GLI3: variants seen among roughly 807,000 people sequenced by gnomAD.
The protein encoded by GLI3 is transcription activator GLI3.
GLI3 carries 20 observed loss-of-function variants against 100.8 expected under a neutral mutation model. The observed-to-expected ratio is 0.20, with a 90% confidence interval of 0.14 to 0.29. The LOEUF (loss-of-function observed/expected upper bound fraction) is 0.29, where lower values mean the gene tolerates loss of function less well. Among genes scored for constraint, GLI3 ranks in the 10% least tolerant of loss-of-function variants. The pLI, the probability that GLI3 is intolerant of heterozygous loss-of-function variation, is 1.00. For synonymous variants in GLI3, 938 were observed against 860.5 expected, an observed-to-expected ratio of 1.09 and a Z score of -1.58; for missense variants, 2,040 against 2,128.5, an observed-to-expected ratio of 0.96 and a Z score of 0.82.
intron 10 of GLI3, among the ~76,000 whole-genome samples, chr7:42,012,290 G>A (rs1345006920): frequency 2.6e-5 from 4 of 152,070 alleles, no homozygotes; most frequent in Admixed American, 6.5e-5. Flanking sequence ...GACAAGCCTC[G>A]TTATTAATCT....
chr7:41,968,299 A>C (rs1251354489), intron 13 of GLI3, among the ~76,000 whole-genome samples: 1 of 152,188 alleles, frequency 6.6e-6, no homozygotes, highest in East Asian at 1.9e-4. Flanking sequence ...TTATCTATAA[A>C]ACAGGGACCA....
Position 41,966,768 on chromosome 7 carries a change from T to C in GLI3, c.2432-127A>G, listed in dbSNP as rs1283607273. 5 of 914,536 alleles carry C rather than the reference T, an allele frequency of 5.5e-6. No homozygotes were observed. Among genetic ancestry groups the C allele is most frequent in the Non-Finnish European group, 8.7e-6 (5 of 574,350 alleles). 56.7% of individuals were successfully genotyped at this position (914,536 alleles called of 1,614,324 possible). On this transcript the variant is annotated intron_variant, in intron 14 of 14. Transcript: ENST00000395925. The surrounding 1 kb of genome is among the most constrained non-coding windows in gnomAD (Gnocchi z 5.8). The stretch of plus-strand genomic sequence containing the variant: ...ACTATTTCTGGTGTCCCAGGCCACA[T>C]TGCCTGCCTCACAACTACTCAGCTC...
intron 2 of GLI3, among the ~76,000 whole-genome samples, chr7:42,167,129 GT>G (rs1787262051): frequency 6.6e-6 from 1 of 152,004 alleles, no homozygotes; most frequent in Non-Finnish European, 1.5e-5. Flanking sequence ...GCCTGGCCTG[GT>G]TCTGATTCTT....
intron 2 of GLI3, among the ~76,000 whole-genome samples, chr7:42,165,984 C>T (rs191561625): frequency 3.3e-5 from 5 of 152,284 alleles, no homozygotes; most frequent in South Asian, 2.1e-4. Flanking sequence ...TTAAAAGTTA[C>T]GGTGTTCCGT....
intron 4 of GLI3, among the ~76,000 whole-genome samples, chr7:42,065,529 A>T (rs1488374822): frequency 6.6e-6 from 1 of 152,196 alleles, no homozygotes; most frequent in Non-Finnish European, 1.5e-5. Flanking sequence ...TCATAAGTTT[A>T]TCAGCTGTTC....
At position 42,040,142 on chromosome 7, in the gene GLI3, G is replaced by T. The variant is rs760490477; in HGVS notation, c.924C>A (p.Thr308=). ...PLSDHSFDLQ[T]MIRTSPNSLV... is the part of the protein sequence containing the mutation. Reference sequence around the variant, plus strand: ...AGGAGTTGGGAGACGTCCTTATCATGGTCTGAAGGTCAAAGCTATGATCGG... The same window carrying T: ...AGGAGTTGGGAGACGTCCTTATCATTGTCTGAAGGTCAAAGCTATGATCGG... The change falls in exon 7 of 15, where the codon ACC becomes ACA. Residue 308 remains threonine (T), a synonymous_variant. Transcript: ENST00000395925. The T allele has an allele frequency of 1.9e-6, 3 of 1,613,574 alleles. No individual in the cohort carries two copies. In the Admixed American group the frequency reaches 5.0e-5, roughly 27 times the overall value.
chr7:42,211,262 T>C (rs1463701885), intron 2 of GLI3, among the ~76,000 whole-genome samples: 1 of 152,186 alleles, frequency 6.6e-6, no homozygotes, highest in African/African-American at 2.4e-5. Context: ...AATCAAAAGG[T>C]AAATAAATGT....
chr7:42,181,527 C>T (rs1400315552), intron 2 of GLI3, among the ~76,000 whole-genome samples: 1 of 152,048 alleles, frequency 6.6e-6, no homozygotes, highest in Non-Finnish European at 1.5e-5. Flanking sequence ...ACTGCCTGAG[C>T]CCAGGAGGTC....
At chr7:42,252,754 G>C (rs1441516063) in intron 1 of GLI3, among the ~76,000 whole-genome samples, 2 of 152,116 alleles carry the variant, frequency 1.3e-5, no homozygotes, top group Non-Finnish European at 2.9e-5. Context: ...TGAAACACTT[G>C]AGCTTGCTTC....
intron 1 of GLI3, among the ~76,000 whole-genome samples, chr7:42,243,316 C>T (rs1252084837): frequency 6.6e-6 from 1 of 152,152 alleles, no homozygotes; most frequent in Non-Finnish European, 1.5e-5. Context: ...AAAAGTAGCA[C>T]AAATTATACA....
At chr7:42,090,836 T>C (rs1048237650) in intron 3 of GLI3, among the ~76,000 whole-genome samples, 1 of 152,284 alleles carries the variant, frequency 6.6e-6, no homozygotes, top group African/African-American at 2.4e-5. Flanking sequence ...ACACTCTTCA[T>C]ATATTTTCTT....
rs1293579169 is a variant in GLI3, at chr7:41,972,307, G to A, written c.2103+30C>T. On this transcript the variant is annotated intron_variant, in intron 13 of 14. Transcript: ENST00000395925. This position sits in a 1 kb window ranked among gnomAD's most constrained non-coding sequence, Gnocchi z 4.4. ...CCTGGCTCTTTTAAATGGGCCTGCT[G>A]TGAAGTCAGAAGGAGAGTGAATGAC... 1.9e-6 allele frequency: 3 copies of A among 1,606,284 alleles called. No homozygotes were observed. The highest frequency in any genetic ancestry group is 2.6e-6 in the Non-Finnish European group (3 of 1,173,412).
intron 3 of GLI3, among the ~76,000 whole-genome samples, chr7:42,107,429 A>T (rs1236404394): frequency 6.6e-6 from 1 of 152,230 alleles, no homozygotes; most frequent in African/African-American, 2.4e-5. Flanking sequence ...AGAAGCACGG[A>T]GTGTATTCAA....
chr7:42,101,530 C>T (rs552219781), intron 3 of GLI3, among the ~76,000 whole-genome samples: 30 of 151,972 alleles, frequency 2.0e-4, no homozygotes, highest in African/African-American at 5.8e-4. Flanking sequence ...TGCTTGAGCC[C>T]GGGAGGTGGA....
intron 10 of GLI3, among the ~76,000 whole-genome samples, chr7:42,020,889 CA>C (rs371389453): frequency 8.8e-6 from 1 of 113,122 alleles, no homozygotes; most frequent in African/African-American, 3.4e-5. Context: ...GACTCCGTCT[CA>C]AAAAAAAAAA....
At chr7:42,001,514 C>T (rs1788296605) in intron 10 of GLI3, among the ~76,000 whole-genome samples, 1 of 152,090 alleles carries the variant, frequency 6.6e-6, no homozygotes, top group Admixed American at 6.5e-5. Flanking sequence ...CGACATCCTG[C>T]AGAACTAGTG....
At chr7:42,121,278 C>T (rs890510232) in intron 3 of GLI3, among the ~76,000 whole-genome samples, 2 of 152,146 alleles carry the variant, frequency 1.3e-5, no homozygotes, top group African/African-American at 4.8e-5. Context: ...GGTCCCAGCC[C>T]AAGAGTTTCT....
chr7:42,126,656 G>A (rs1351339510), intron 3 of GLI3, among the ~76,000 whole-genome samples: 1 of 152,174 alleles, frequency 6.6e-6, no homozygotes, highest in Non-Finnish European at 1.5e-5. Context: ...ACCAAAATCA[G>A]CCATATGATA....
chr7:41,981,525 T>C (rs1375154773), intron 10 of GLI3, among the ~76,000 whole-genome samples: 1 of 152,148 alleles, frequency 6.6e-6, no homozygotes, highest in Non-Finnish European at 1.5e-5. Context: ...TCTCATATTT[T>C]CCTTTCCTGT....
Sources: allele counts gnomAD v4.1 joint callset (sites outside exome capture counted in the v4.1 genomes callset), GRCh38; gene constraint gnomAD v4.1.1; non-coding constraint Gnocchi (gnomAD v3.1); transcripts MANE v1.5; gene names NCBI Gene and HGNC (gene_info 2026-07-23, HGNC 2026-07-21).